Variants in ACTR3C observed in about 807,000 individuals in gnomAD.
ACTR3C encodes the protein actin related protein 3C, also known as actin-related protein 3C.
In ACTR3C, 18 loss-of-function variants were observed where a neutral mutation model predicts 26.3. The observed-to-expected ratio is 0.68, with a 90% CI of 0.47 to 1.01. The LOEUF (loss-of-function observed/expected upper bound fraction) is 1.01. Among genes scored for constraint, ACTR3C ranks in the 50% least tolerant of loss-of-function variants. The pLI is 0.00. For synonymous variants in ACTR3C, 55 were observed against 94.5 expected (o/e 0.58, Z 2.42); for missense variants, 184 against 250.7 (o/e 0.73, Z 1.80).
intron 6 of ACTR3C, among the ~76,000 whole-genome samples, chr7:150,276,348 T>G (rs1834882665): frequency 6.6e-6 from 1 of 152,152 alleles, no homozygotes; most frequent in Admixed American, 6.5e-5. Flanking sequence ...AGACATGCCT[T>G]CCCCTCTCCC....
the ACTR3C span, among the ~76,000 whole-genome samples, chr7:150,050,164 G>A: frequency 2.0e-5 from 3 of 152,112 alleles, no homozygotes; most frequent in Admixed American, 1.3e-4. Context: ...CCGCAGCATC[G>A]CGATCCTGAC....
At chr7:150,220,810 C>T in the ACTR3C span, among the ~76,000 whole-genome samples, 1 of 152,308 alleles carries the variant, frequency 6.6e-6, no homozygotes, top group Non-Finnish European at 1.5e-5. Context: ...CGCTCCGCTC[C>T]AGGGCGGATC....
chr7:150,175,211 AAAGAC>A, the ACTR3C span, among the ~76,000 whole-genome samples: 1 of 148,796 alleles, frequency 6.7e-6, no homozygotes, highest in South Asian at 2.1e-4. Flanking sequence ...CATTATCACA[AAAGAC>A]AAGATAATAG....
the ACTR3C span, among the ~76,000 whole-genome samples, chr7:150,205,597 A>T: frequency 6.6e-6 from 1 of 152,122 alleles, no homozygotes; most frequent in Non-Finnish European, 1.5e-5. Context: ...GCAAGATACA[A>T]TACAGTAACA....
At chr7:150,020,947 A>G in the ACTR3C span, among the ~76,000 whole-genome samples, 13 of 151,808 alleles carry the variant, frequency 8.6e-5, 1 homozygote, top group Non-Finnish European at 1.6e-4. Flanking sequence ...CAGCCTCCCG[A>G]GTAGCTGAGA....
At chr7:150,027,216 C>T in the ACTR3C span, among the ~76,000 whole-genome samples, 1 of 152,118 alleles carries the variant, frequency 6.6e-6, no homozygotes, top group Non-Finnish European at 1.5e-5. Context: ...ACACAGTGAA[C>T]GGCACAGTCC....
At chr7:150,148,687 T>C in the ACTR3C span, among the ~76,000 whole-genome samples, 69 of 152,110 alleles carry the variant, frequency 4.5e-4, no homozygotes, top group Non-Finnish European at 9.0e-4. Flanking sequence ...ATACGATATA[T>C]CTTGCAAACT....
the ACTR3C span, among the ~76,000 whole-genome samples, chr7:150,146,974 G>A: frequency 6.6e-6 from 1 of 152,120 alleles, no homozygotes; most frequent in Non-Finnish European, 1.5e-5. Context: ...AGCATCTCTT[G>A]CTACCCATTT....
chr7:150,075,570 T>C, the ACTR3C span, among the ~76,000 whole-genome samples: 1 of 152,184 alleles, frequency 6.6e-6, no homozygotes, highest in Admixed American at 6.5e-5. Flanking sequence ...CTGGGACATT[T>C]AAAAAAGGAG....
At chr7:150,159,133 G>A in the ACTR3C span, among the ~76,000 whole-genome samples, 9 of 151,990 alleles carry the variant, frequency 5.9e-5, no homozygotes, top group South Asian at 2.1e-4. Flanking sequence ...ACCATATCGC[G>A]CACCCTAAAT....
chr7:150,018,900 A>T, the ACTR3C span, among the ~76,000 whole-genome samples: 1 of 123,232 alleles, frequency 8.1e-6, no homozygotes, highest in Non-Finnish European at 1.8e-5. Context: ...GAGTTTAGCA[A>T]TGCCTTAAAA....
the ACTR3C span, among the ~76,000 whole-genome samples, chr7:149,977,797 T>A: frequency 6.6e-6 from 1 of 152,194 alleles, no homozygotes; most frequent in African/African-American, 2.4e-5. Flanking sequence ...TGGTAAAGAG[T>A]ATGGTGACAT....
the ACTR3C span, among the ~76,000 whole-genome samples, chr7:150,120,509 C>G: frequency 6.6e-6 from 1 of 152,098 alleles, no homozygotes; most frequent in Non-Finnish European, 1.5e-5. Flanking sequence ...TTCCTGGATA[C>G]ATATACCCTC....
At chr7:150,022,147 T>A in the ACTR3C span, among the ~76,000 whole-genome samples, 6 of 152,040 alleles carry the variant, frequency 3.9e-5, no homozygotes, top group African/African-American at 1.2e-4. Context: ...TTTGATTTTT[T>A]AATTATGGCC....
chr7:149,909,265 CAAAAA>C, the ACTR3C span, among the ~76,000 whole-genome samples: 2 of 135,132 alleles, frequency 1.5e-5, no homozygotes, highest in African/African-American at 3.0e-5. Flanking sequence ...TCATTTCCAC[CAAAAA>C]AAAAAAAAAG....
intron 6 of ACTR3C, among the ~76,000 whole-genome samples, chr7:150,265,573 A>C (rs1217528869): frequency 6.6e-6 from 1 of 152,168 alleles, no homozygotes; most frequent in East Asian, 1.9e-4. Context: ...ACACACCTGT[A>C]ATCCCAGCTA....
chr7:149,885,538 C>T, the ACTR3C span, among the ~76,000 whole-genome samples: 4,728 of 152,328 alleles, frequency 0.031, 213 homozygotes, highest in African/African-American at 0.095. Flanking sequence ...GCAGGGTGGG[C>T]GGACACAGTT....
At chr7:150,232,876 C>T in the ACTR3C span, among the ~76,000 whole-genome samples, 1 of 151,746 alleles carries the variant, frequency 6.6e-6, no homozygotes. Flanking sequence ...TTCCAACATA[C>T]ATTTTAAGTA....
chr7:150,034,913 C>CGT, the ACTR3C span, among the ~76,000 whole-genome samples: 31 of 133,624 alleles, frequency 2.3e-4, no homozygotes, highest in East Asian at 2.3e-3. Context: ...CTCCCCCACC[C>CGT]TGCGATGGGG....
Sources: allele counts gnomAD v4.1 joint callset (sites outside exome capture counted in the v4.1 genomes callset), GRCh38; gene constraint gnomAD v4.1.1; transcripts MANE v1.5; gene names NCBI Gene and HGNC (gene_info 2026-07-23, HGNC 2026-07-21).